Variants in OPCML observed in about 807,000 individuals in gnomAD.
OPCML encodes opioid binding protein/cell adhesion molecule like.
A neutral mutation model predicts 37.8 loss-of-function variants in OPCML; 13 were observed. That is an observed-to-expected ratio of 0.34 (90% CI 0.22 to 0.55). OPCML has a LOEUF of 0.55. Ranked by LOEUF, OPCML falls within the 20% of genes least tolerant of loss-of-function variation. The probability of loss-of-function intolerance (pLI) is 0.91; values close to 1 mark genes in which losing one functional copy is unlikely to be tolerated. For synonymous variants in OPCML, 176 were observed against 168.8 expected (o/e 1.04, Z -0.33); for missense variants, 341 against 435.6 (o/e 0.78, Z 1.93).
chr11:133,095,221 A>C (rs1370067889), intron 1 of OPCML, among the ~76,000 whole-genome samples: 1 of 151,280 alleles, frequency 6.6e-6, no homozygotes, highest in African/African-American at 2.4e-5. Context: ...CACATCTTCC[A>C]ATAAAATAGC....
intron 3 of OPCML, among the ~76,000 whole-genome samples, chr11:132,593,183 C>T (rs1386851619): frequency 6.6e-6 from 1 of 152,106 alleles, no homozygotes; most frequent in Non-Finnish European, 1.5e-5. Flanking sequence ...GGGAGGAGAA[C>T]ATTCCAGGCA....
At chr11:132,532,714 G>T (rs1465331050) in intron 3 of OPCML, among the ~76,000 whole-genome samples, 1 of 152,132 alleles carries the variant, frequency 6.6e-6, no homozygotes, top group African/African-American at 2.4e-5. Flanking sequence ...CCCAGTACCT[G>T]CCATGAGGAA....
intron 2 of OPCML, among the ~76,000 whole-genome samples, chr11:132,759,238 C>T (rs929102956): frequency 6.6e-6 from 1 of 152,166 alleles, no homozygotes; most frequent in Admixed American, 6.6e-5. Flanking sequence ...CGATGTTCAT[C>T]AGGGATATTG....
At chr11:133,070,193 C>T (rs749184280) in intron 1 of OPCML, among the ~76,000 whole-genome samples, 4 of 152,088 alleles carry the variant, frequency 2.6e-5, no homozygotes, top group Non-Finnish European at 4.4e-5. Context: ...GCTATGTTAA[C>T]GGGAAAAGGC....
chr11:132,953,416 G>A (rs994906041), intron 1 of OPCML, among the ~76,000 whole-genome samples: 2 of 152,086 alleles, frequency 1.3e-5, no homozygotes, highest in Non-Finnish European at 2.9e-5. Flanking sequence ...GGAAGCATGG[G>A]CATCAACTAC....
intron 3 of OPCML, among the ~76,000 whole-genome samples, chr11:132,578,627 A>T (rs1340561800): frequency 6.6e-6 from 1 of 152,284 alleles, no homozygotes; most frequent in African/African-American, 2.4e-5. Flanking sequence ...AATGGTTCAG[A>T]ATGTTAAAAA....
chr11:133,403,414 A>G (rs890911844), intron 1 of OPCML, among the ~76,000 whole-genome samples: 1 of 152,216 alleles, frequency 6.6e-6, no homozygotes, highest in Non-Finnish European at 1.5e-5. Context: ...CAAGACCAAC[A>G]CAATCCTATA....
chr11:132,869,047 G>A (rs952192094), intron 2 of OPCML, among the ~76,000 whole-genome samples: 2 of 152,170 alleles, frequency 1.3e-5, no homozygotes, highest in African/African-American at 4.8e-5. Flanking sequence ...CCGAATGTGG[G>A]GTATGGCGGT....
At chr11:133,090,190 G>C (rs1190901755) in intron 1 of OPCML, among the ~76,000 whole-genome samples, 2 of 151,996 alleles carry the variant, frequency 1.3e-5, no homozygotes, top group African/African-American at 4.8e-5. Context: ...CACATTCTTA[G>C]TAATTCTCCA....
chr11:133,007,381 A>G, intron 1 of OPCML: 6 of 985,488 alleles, frequency 6.1e-6, no homozygotes, highest in Non-Finnish European at 6.0e-6. Flanking sequence ...CACAGAGCAG[A>G]TACTTGGTGC....
chr11:132,776,377 T>C (rs1263892164), intron 2 of OPCML, among the ~76,000 whole-genome samples: 1 of 152,152 alleles, frequency 6.6e-6, no homozygotes, highest in East Asian at 1.9e-4. Flanking sequence ...AGCTGTGATA[T>C]GGTTTGGATG....
At chr11:132,508,248 C>G in intron 4 of OPCML, among the ~76,000 whole-genome samples, 1 of 151,938 alleles carries the variant, frequency 6.6e-6, no homozygotes, top group East Asian at 1.9e-4. Context: ...TTACTGATAC[C>G]AAAACCAGTC....
chr11:132,947,903 C>A (rs1945780925), intron 1 of OPCML, among the ~76,000 whole-genome samples: 1 of 152,168 alleles, frequency 6.6e-6, no homozygotes, highest in Non-Finnish European at 1.5e-5. Flanking sequence ...TGTTGAGTAT[C>A]CCAAATCTGG....
At chr11:132,463,903 C>T (rs1023071456) in intron 4 of OPCML, among the ~76,000 whole-genome samples, 12 of 152,220 alleles carry the variant, frequency 7.9e-5, no homozygotes, top group Non-Finnish European at 1.8e-4. Context: ...AAACACAGCT[C>T]AGACACAGTA....
intron 2 of OPCML, among the ~76,000 whole-genome samples, chr11:132,676,795 A>C (rs1942728317): frequency 4.0e-5 from 6 of 151,312 alleles, no homozygotes; most frequent in Admixed American, 3.3e-4. Flanking sequence ...ACAAGAAAAA[A>C]AAAAAAAAAG....
intron 2 of OPCML, among the ~76,000 whole-genome samples, chr11:132,822,346 C>G (rs1940046025): frequency 6.6e-6 from 1 of 152,106 alleles, no homozygotes; most frequent in African/African-American, 2.4e-5. Context: ...TTCTTTCCAC[C>G]ATTTGTAAAT....
At chr11:132,970,925 A>G (rs1289347031) in intron 1 of OPCML, among the ~76,000 whole-genome samples, 3 of 152,106 alleles carry the variant, frequency 2.0e-5, no homozygotes, top group South Asian at 4.1e-4. Flanking sequence ...TCTCTATTCT[A>G]TTAGGTTCTT....
chr11:132,900,860 G>A (rs999942011), intron 2 of OPCML, among the ~76,000 whole-genome samples: 9 of 152,196 alleles, frequency 5.9e-5, no homozygotes, highest in South Asian at 2.1e-4. Context: ...ATCCACTAGC[G>A]CCCTTGCCAT....
chr11:132,693,798 T>C (rs753961962), intron 2 of OPCML, among the ~76,000 whole-genome samples: 1 of 152,218 alleles, frequency 6.6e-6, no homozygotes, highest in Non-Finnish European at 1.5e-5. Context: ...CCTTTAGAAA[T>C]TGAAATTCCT....
Sources: allele counts gnomAD v4.1 joint callset (sites outside exome capture counted in the v4.1 genomes callset), GRCh38; gene constraint gnomAD v4.1.1; transcripts MANE v1.5; gene names NCBI Gene and HGNC (gene_info 2026-07-23, HGNC 2026-07-21).